The following CORIN variants were observed in gnomAD, a reference collection of about 807,000 sequenced individuals.
The protein encoded by CORIN is atrial natriuretic peptide-converting enzyme.
Under a neutral mutation model 125.3 loss-of-function variants are expected in CORIN, and 117 were observed. The observed-to-expected ratio is 0.93, with a 90% confidence interval of 0.80 to 1.09. The LOEUF (loss-of-function observed/expected upper bound fraction) is 1.09, where lower values mean the gene tolerates loss of function less well. Ranked by LOEUF, CORIN falls within the 50% of genes least tolerant of loss-of-function variation. The pLI, the probability that CORIN is intolerant of heterozygous loss-of-function variation, is 0.00. For synonymous variants in CORIN, 450 were observed against 466.4 expected (o/e 0.96, Z 0.45); for missense variants, 1,253 against 1,306.7 (o/e 0.96, Z 0.63).
rs1025713904 is a variant in CORIN at position 47,784,551 on chromosome 4, T to C, written c.409+2174A>G. 3.3e-5 allele frequency among the ~76,000 whole-genome samples: 5 copies of C among 152,224 alleles called. No individual in the cohort carries two copies. The East Asian group carries it at 9.6e-4, about 29-fold the overall frequency. On this transcript the variant is annotated intron_variant, in intron 3 of 21. Coordinates refer to ENST00000273857, the MANE Select transcript of CORIN (RefSeq NM_006587.4). The stretch of plus-strand genomic sequence containing the variant: ...GTTTCTTTACTCTTCAGGACATGTA[T>C]TTGTCAATCCTGTTTGAATCTTAAC...
intron 5 of CORIN, among the ~76,000 whole-genome samples, chr4:47,713,745 G>A (rs1481446606): frequency 6.6e-6 from 1 of 151,710 alleles, no homozygotes; most frequent in Non-Finnish European, 1.5e-5. Context: ...CTATTTCCCA[G>A]TAATTACAGA....
chr4:47,603,256 C>A, intron 20 of CORIN, 141 bp downstream of exon 20: 1 of 797,576 alleles, frequency 1.3e-6, no homozygotes, highest in Non-Finnish European at 2.0e-6. Context: ...TTTGCTTCCC[C>A]TTCCGCCATG....
chr4:47,820,662 C>G (rs987008763), intron 1 of CORIN, among the ~76,000 whole-genome samples: 1 of 151,938 alleles, frequency 6.6e-6, no homozygotes, highest in Non-Finnish European at 1.5e-5. Flanking sequence ...TCTGCACTTC[C>G]GAAACTGCCC....
chr4:47,805,146 A>T (rs1015783492), intron 2 of CORIN, among the ~76,000 whole-genome samples: 7 of 143,026 alleles, frequency 4.9e-5, no homozygotes, highest in Non-Finnish European at 9.3e-5. Context: ...AAAAAAAAAA[A>T]AAAATAATAA....
chr4:47,656,997 G>C (rs767893525), intron 12 of CORIN, among the ~76,000 whole-genome samples: 15 of 152,046 alleles, frequency 9.9e-5, no homozygotes, highest in Non-Finnish European at 1.6e-4. Flanking sequence ...AACAAAAAAT[G>C]TGAAAGAGAA....
At chr4:47,628,416 A>G (rs911892507) in intron 16 of CORIN, among the ~76,000 whole-genome samples, 5 of 150,778 alleles carry the variant, frequency 3.3e-5, no homozygotes, top group African/African-American at 4.9e-5. Flanking sequence ...GCTAAGAAGC[A>G]TATCTATCAC....
At position 47,686,737 on chromosome 4, in the gene CORIN, C is replaced by T. The variant is rs556540044; in HGVS notation, c.914-2899G>A. 6.6e-5 allele frequency among the ~76,000 whole-genome samples: 10 copies of T among 152,242 alleles called. No homozygotes were observed. In the South Asian group the frequency reaches 8.3e-4, roughly 13 times the overall value. ...CGGGAAATAAGGCTTCTCAACTTGA[C>T]GATCAGTGCAAAGTATACGCATGCA... On this transcript the variant is annotated intron_variant, in intron 6 of 21. Coordinates refer to ENST00000273857, the MANE Select transcript of CORIN (RefSeq NM_006587.4).
At chr4:47,599,930 G>A (rs1721387914) in intron 21 of CORIN, among the ~76,000 whole-genome samples, 1 of 152,212 alleles carries the variant, frequency 6.6e-6, no homozygotes, top group African/African-American at 2.4e-5. Flanking sequence ...ATGGTTGAAT[G>A]AGATGAACAG....
intron 19 of CORIN, among the ~76,000 whole-genome samples, chr4:47,604,573 A>G (rs1297722577): frequency 6.6e-6 from 1 of 152,208 alleles, no homozygotes; most frequent in Non-Finnish European, 1.5e-5. Context: ...AGTTTACAGG[A>G]ACTTAATACT....
chr4:47,611,273 A>T (rs1721855817), intron 19 of CORIN, among the ~76,000 whole-genome samples: 2 of 152,046 alleles, frequency 1.3e-5, no homozygotes. Flanking sequence ...GATTTCCTTA[A>T]ACAGCGGTTT....
intron 16 of CORIN, among the ~76,000 whole-genome samples, chr4:47,630,259 A>T (rs1722756499): frequency 6.6e-6 from 1 of 152,210 alleles, no homozygotes; most frequent in South Asian, 2.1e-4. Flanking sequence ...TCAAAGAATA[A>T]TAGTAATATA....
chr4:47,641,008 G>A (rs9291312), intron 16 of CORIN, among the ~76,000 whole-genome samples: 39,757 of 151,860 alleles, frequency 0.26, 5,434 homozygotes, highest in Admixed American at 0.36. Context: ...TTATAGATGA[G>A]CATTAGTTAT....
chr4:47,727,040 G>C (rs1423304825), intron 5 of CORIN, among the ~76,000 whole-genome samples: 3 of 151,952 alleles, frequency 2.0e-5, no homozygotes, highest in Non-Finnish European at 4.4e-5. Flanking sequence ...CTCAGAAGTA[G>C]AGACCATGCA....
intron 15 of CORIN, among the ~76,000 whole-genome samples, chr4:47,642,349 G>T (rs1446650355): frequency 6.6e-6 from 1 of 152,220 alleles, no homozygotes; most frequent in Non-Finnish European, 1.5e-5. Context: ...CATCCCATGA[G>T]TTAACCAGGA....
Position 47,837,910 on chromosome 4 carries a change from G to C in CORIN, c.40C>G (p.Arg14Gly). 1.9e-6 allele frequency: 3 copies of C among 1,613,780 alleles called. No individual in the cohort carries two copies. Among genetic ancestry groups the C allele is most frequent in the Non-Finnish European group, 1.7e-6 (2 of 1,179,962 alleles). Reference sequence around the variant, plus strand: ...ACCGGCTTTGGGGACCCGGCTCTGCGGCAGCGCTCTTCCGGAGCGAGGGCA... The same window carrying C: ...ACCGGCTTTGGGGACCCGGCTCTGCCGCAGCGCTCTTCCGGAGCGAGGGCA... ...SPALAPEERC[R>G]RAGSPKPVLR... Residue 14 changes from arginine to glycine, a missense_variant, in exon 1 of 22, where the codon CGC becomes GGC. Physicochemically the swap from Arg to Gly is moderately radical, Grantham distance 125 (BLOSUM62 -2). Transcript: ENST00000273857.
At chr4:47,831,083 T>A (rs956942986) in intron 1 of CORIN, among the ~76,000 whole-genome samples, 1 of 152,240 alleles carries the variant, frequency 6.6e-6, no homozygotes, top group Non-Finnish European at 1.5e-5. Context: ...TCTCCACAGA[T>A]GTCATCTTGA....
rs141520913 is a variant in CORIN at position 47,674,415 on chromosome 4, C to T, written c.1335G>A (p.Pro445=). 4.3e-5 allele frequency: 70 copies of T among 1,612,856 alleles called. No homozygotes were observed. The highest frequency in any genetic ancestry group is 8.0e-5 in the African/African-American group (6 of 74,838). Residue 445 remains proline, a synonymous_variant, in exon 10 of 22, where the codon CCG becomes CCA. Transcript: ENST00000273857. ...DSCGGSSLCD[P]NNSLNNCSQC... ...TACTACAGTTATTCAGACTGTTGTT[C>T]GGGTCACAGAGAGAGCTACCACCAC...
chr4:47,774,373 C>T (rs1730194111), intron 3 of CORIN, among the ~76,000 whole-genome samples: 1 of 152,034 alleles, frequency 6.6e-6, no homozygotes, highest in African/African-American at 2.4e-5. Flanking sequence ...ATGTTTAGTT[C>T]ATATTATTAA....
chr4:47,820,090 A>G (rs1358726093), intron 1 of CORIN, among the ~76,000 whole-genome samples: 1 of 152,158 alleles, frequency 6.6e-6, no homozygotes, highest in African/African-American at 2.4e-5. Context: ...CTCCCGACAC[A>G]TTCTTCTTTC....
Sources: gnomAD v4.1 joint callset for allele counts (sites outside exome capture counted in the v4.1 genomes callset) on GRCh38, gnomAD v4.1.1 for gene constraint, MANE v1.5 for transcripts, NCBI Gene and HGNC (gene_info 2026-07-23, HGNC 2026-07-21) for gene names.